The following AGR3 variants were observed in gnomAD, a reference collection of about 807,000 sequenced individuals.
The protein encoded by AGR3 is anterior gradient protein 3.
AGR3 carries 37 observed loss-of-function variants against 24.5 expected under a neutral mutation model. The ratio of observed to expected loss-of-function variants is 1.51; its 90% CI spans 1.16 to 1.99. The LOEUF (loss-of-function observed/expected upper bound fraction) is 1.99, where lower values mean the gene tolerates loss of function less well. Among genes scored for constraint, AGR3 ranks in the 30% most tolerant of loss-of-function variants. The pLI, the probability that AGR3 is intolerant of heterozygous loss-of-function variation, is 0.00. For missense variants in AGR3, 228 were observed against 191.1 expected (o/e 1.19, Z -1.14); for synonymous variants, 75 against 61.6 (o/e 1.22, Z -1.02).
chr7:16,865,086 C>T, intron 3 of AGR3: 1 of 760,088 alleles, frequency 1.3e-6, no homozygotes, highest in Non-Finnish European at 2.4e-6. Context: ...TAAAGATGCT[C>T]TTTTACTGTA....
chr7:16,878,436 T>C, intron 2 of AGR3, 74 bp downstream of exon 2: 1 of 1,297,936 alleles, frequency 7.7e-7, no homozygotes, highest in South Asian at 1.3e-5. Context: ...AATTAGACTA[T>C]GAGTGAAGAC....
chr7:16,855,733 A>G (rs1042579307), downstream of AGR3, among the ~76,000 whole-genome samples: 9 of 152,234 alleles, frequency 5.9e-5, no homozygotes, highest in Non-Finnish European at 1.2e-4. Context: ...TACATATTGC[A>G]TATAATTGCT....
In AGR3 at chr7:16,862,618, T is replaced by C. The variant is rs200237637; in HGVS notation, c.218A>G (p.Tyr73Cys). 1.8e-5 allele frequency: 28 copies of C among 1,530,524 alleles called. No homozygotes were observed. The highest frequency in any genetic ancestry group is 2.6e-6 in the Non-Finnish European group (3 of 1,145,194). The allele number at this position is 1,530,524 out of a possible 1,614,324, so 94.8% of individuals were successfully genotyped here. A position where few individuals can be genotyped will look rare whatever the true frequency, so the allele number is the denominator to read the frequency against. Residue 73 changes from tyrosine to cysteine, a missense_variant, in exon 4 of 8, where the codon TAC becomes TGC. Coordinates refer to ENST00000310398, the MANE Select transcript of AGR3 (RefSeq NM_176813.5). ...MVIHHLEDCQ[Y>C]SQALKKVFAQ... Reference sequence around the variant, plus strand: ...TCAGGGGCTAAAATTACCTTGAGAGTATTGACAATCCTCCAGGTGATGAAT... The same window carrying C: ...TCAGGGGCTAAAATTACCTTGAGAGCATTGACAATCCTCCAGGTGATGAAT...
intron 2 of AGR3, among the ~76,000 whole-genome samples, 190 bp from the exon 3 acceptor site, chr7:16,874,033 A>G (rs557565336): frequency 1.3e-5 from 2 of 152,266 alleles, no homozygotes; most frequent in South Asian, 2.1e-4. Flanking sequence ...TGCAGTACTG[A>G]GGTTTTGCTA....
At chr7:16,872,345 A>G (rs1270360391) in intron 3 of AGR3, among the ~76,000 whole-genome samples, 2 of 152,208 alleles carry the variant, frequency 1.3e-5, no homozygotes, top group Admixed American at 6.5e-5. Flanking sequence ...TGGCAAGAAC[A>G]TGCATTGGGG....
chr7:16,875,072 G>A (rs932463114), intron 2 of AGR3, among the ~76,000 whole-genome samples: 3 of 147,164 alleles, frequency 2.0e-5, no homozygotes, highest in Admixed American at 6.9e-5. Flanking sequence ...CCAAGATTGC[G>A]CCACTGCTCT....
intron 3 of AGR3, chr7:16,864,768 G>A: frequency 7.1e-6 from 8 of 1,131,074 alleles, no homozygotes; most frequent in Non-Finnish European, 1.1e-5. Flanking sequence ...CTTCTCCTTG[G>A]CAATGAGCAT....
Position 16,862,650 on chromosome 7 carries a change from T to C in AGR3, c.186A>G (p.Leu62=). 1.3e-6 allele frequency: 2 copies of C among 1,552,472 alleles called. No individual in the cohort carries two copies. Among genetic ancestry groups the C allele is most frequent in the South Asian group, 2.5e-5 (2 of 79,452 alleles). Residue 62 remains leucine (L), a synonymous_variant, in exon 4 of 8, where the codon TTA becomes TTG. Transcript: ENST00000310398. ...AATCCTCCAGGTGATGAATAACCAT[T>C]AATGGCTTCTTACTAAACAAAGAAA... is the stretch of plus-strand genomic sequence containing the variant. The part of the protein sequence containing the change: ...LFYAQKSKKP[L]MVIHHLEDCQ...
At chr7:16,876,307 A>G (rs888633662) in intron 2 of AGR3, among the ~76,000 whole-genome samples, 4 of 152,068 alleles carry the variant, frequency 2.6e-5, no homozygotes, top group African/African-American at 9.7e-5. Context: ...GTCTTTTGAG[A>G]TTTTATTCAT....
chr7:16,867,933 C>G (rs1346563519), intron 3 of AGR3, among the ~76,000 whole-genome samples: 1 of 152,136 alleles, frequency 6.6e-6, no homozygotes, highest in Non-Finnish European at 1.5e-5. Flanking sequence ...TGAGTAATCT[C>G]TATACATTAT....
At chr7:16,869,867 A>C (rs970441026) in intron 3 of AGR3, among the ~76,000 whole-genome samples, 1 of 151,848 alleles carries the variant, frequency 6.6e-6, no homozygotes, top group Non-Finnish European at 1.5e-5. Flanking sequence ...AATAATGATT[A>C]AGGCCTAATC....
At chr7:16,880,914 C>T (rs1463697419) in intron 1 of AGR3, among the ~76,000 whole-genome samples, 1 of 152,072 alleles carries the variant, frequency 6.6e-6, no homozygotes, top group Admixed American at 6.5e-5. Flanking sequence ...CTGGATCCAG[C>T]AGGCTTCTAG....
chr7:16,877,611 C>G (rs1782011565), intron 2 of AGR3, among the ~76,000 whole-genome samples: 1 of 151,852 alleles, frequency 6.6e-6, no homozygotes. Flanking sequence ...CGCCTGTAAT[C>G]CCAGCACTTT....
At chr7:16,870,523 G>T (rs1490432054) in intron 3 of AGR3, among the ~76,000 whole-genome samples, 4 of 151,834 alleles carry the variant, frequency 2.6e-5, no homozygotes, top group Non-Finnish European at 5.9e-5. Context: ...TTTTGTTGTT[G>T]TTGCTACTGT....
At chr7:16,880,275 C>G (rs1398643555) in intron 1 of AGR3, among the ~76,000 whole-genome samples, 3 of 151,472 alleles carry the variant, frequency 2.0e-5, no homozygotes, top group African/African-American at 7.3e-5. Flanking sequence ...ATTCTCCTGC[C>G]TCAGCTTCCC....
chr7:16,879,090 A>C (rs139242679), intron 1 of AGR3, among the ~76,000 whole-genome samples: 7 of 152,210 alleles, frequency 4.6e-5, no homozygotes, highest in Non-Finnish European at 8.8e-5. Flanking sequence ...CTATACTAAG[A>C]TAAGATTATA....
chr7:16,861,175 T>C (rs1195866254), intron 6 of AGR3, among the ~76,000 whole-genome samples: 1 of 152,218 alleles, frequency 6.6e-6, no homozygotes, highest in African/African-American at 2.4e-5. Context: ...ATAGATTTAA[T>C]AGCATACATG....
At chr7:16,861,265 G>T in intron 6 of AGR3, 119 bp downstream of exon 6, 1 of 686,002 alleles carries the variant, frequency 1.5e-6, no homozygotes, top group Non-Finnish European at 2.3e-6. Flanking sequence ...TGATATTATT[G>T]GATTAGAAAT....
At chr7:16,876,356 A>C (rs1430675550) in intron 2 of AGR3, among the ~76,000 whole-genome samples, 5 of 152,166 alleles carry the variant, frequency 3.3e-5, no homozygotes, top group African/African-American at 1.2e-4. Context: ...ACTATCCGCC[A>C]ATCACTGGAC....
Sources: gnomAD v4.1 joint callset for allele counts (sites outside exome capture counted in the v4.1 genomes callset) on GRCh38, gnomAD v4.1.1 for gene constraint, MANE v1.5 for transcripts, NCBI Gene and HGNC (gene_info 2026-07-23, HGNC 2026-07-21) for gene names.